Variants in AREL1 observed in about 807,000 individuals in gnomAD.
AREL1 encodes the protein apoptosis resistant E3 ubiquitin protein ligase 1.
AREL1 carries 62 observed loss-of-function variants against 99.0 expected under a neutral mutation model. That is an observed-to-expected ratio of 0.63 (90% CI 0.51 to 0.77). The LOEUF (loss-of-function observed/expected upper bound fraction) is 0.77, where lower values mean the gene tolerates loss of function less well. Among genes scored for constraint, AREL1 ranks in the 30% least tolerant of loss-of-function variants. The pLI is 0.00. For missense variants in AREL1, 879 were observed against 1,027.6 expected (o/e 0.86, Z 1.98); for synonymous variants, 380 against 376.5 (o/e 1.01, Z -0.11).
At position 74,663,805 on chromosome 14, in the gene AREL1, A is replaced by G; in HGVS notation, c.2387T>C (p.Leu796Pro). Residue 796 changes from leucine (L) to proline (P), a missense_variant, in exon 20 of 20, where the codon CTC (leucine) becomes CCC (proline). Coordinates refer to ENST00000356357, the MANE Select transcript of AREL1 (RefSeq NM_001039479.2). ...TAHTCFNQLC[L>P]PTYDSYEEVH... Reference sequence around the variant, plus strand: ...CTCTTCATAGGAGTCATATGTAGGGAGGCACAGCTGGTTAAAACTGGAAGG... The same window carrying G: ...CTCTTCATAGGAGTCATATGTAGGGGGGCACAGCTGGTTAAAACTGGAAGG... 6.2e-7 allele frequency: 1 copy of G among 1,614,148 alleles called. No individual in the cohort carries two copies. Among genetic ancestry groups the G allele is most frequent in the Non-Finnish European group, 8.5e-7 (1 of 1,180,012 alleles).
intron 1 of AREL1, among the ~76,000 whole-genome samples, chr14:74,699,824 T>G (rs2090050292): frequency 6.6e-6 from 1 of 152,296 alleles, no homozygotes; most frequent in South Asian, 2.1e-4. Context: ...AAAATGGAGA[T>G]GCACTGAGAA....
chr14:74,702,233 G>A (rs12893245), intron 1 of AREL1, among the ~76,000 whole-genome samples: 34,211 of 151,984 alleles, frequency 0.23, 3,993 homozygotes, highest in South Asian at 0.31. Context: ...CCCCAACATT[G>A]CCCTAGCAGA....
chr14:74,689,393 T>C (rs1170106031), intron 2 of AREL1, among the ~76,000 whole-genome samples: 2 of 151,908 alleles, frequency 1.3e-5, no homozygotes, highest in Non-Finnish European at 2.9e-5. Flanking sequence ...CCCTCTCCAT[T>C]CCTTTTGAAA....
intron 1 of AREL1, among the ~76,000 whole-genome samples, chr14:74,700,992 A>G (rs1161239882): frequency 6.6e-6 from 1 of 152,174 alleles, no homozygotes; most frequent in Non-Finnish European, 1.5e-5. Flanking sequence ...GGTCCAATGG[A>G]GTAGCTATAC....
intron 1 of AREL1, among the ~76,000 whole-genome samples, chr14:74,705,227 C>T (rs753108549): frequency 9.2e-5 from 14 of 152,066 alleles, no homozygotes; most frequent in Non-Finnish European, 1.3e-4. Flanking sequence ...TTAGTAGAGA[C>T]GGGGTTTCTC....
Position 74,675,930 on chromosome 14 carries a change from G to A in AREL1, c.849C>T (p.Ile283=). 7 of 1,595,880 alleles carry A rather than the reference G, an allele frequency of 4.4e-6. No individual in the cohort carries two copies. Among genetic ancestry groups the A allele is most frequent in the South Asian group, 1.1e-5 (1 of 88,770 alleles). The stretch of plus-strand genomic sequence containing the variant: ...CTGAAGTGGACACATTGCGTTCGAC[G>A]ATATTCTTCTCATCCTCTGAAGTAT... ...IIVLSEDEKN[I]VERNVSTSGV... is the part of the protein sequence containing the mutation. The change falls in exon 8 of 20, where the codon ATC becomes ATT. Residue 283 remains isoleucine (I), a synonymous_variant. Transcript: ENST00000356357.
At chr14:74,701,187 A>T (rs1191676787) in intron 1 of AREL1, among the ~76,000 whole-genome samples, 1 of 152,200 alleles carries the variant, frequency 6.6e-6, no homozygotes, top group Non-Finnish European at 1.5e-5. Context: ...GAAGAAGCCA[A>T]GGAAAAAGGC....
At chr14:74,676,870 C>A (rs527869086) in intron 5 of AREL1, 118 bp from the exon 6 acceptor site, 13 of 808,500 alleles carry the variant, frequency 1.6e-5, no homozygotes, top group Non-Finnish European at 2.2e-5. Context: ...AATCTCGGCT[C>A]ACTGCAAGCT....
chr14:74,677,079 G>A (rs145528466), intron 5 of AREL1, among the ~76,000 whole-genome samples: 101 of 151,960 alleles, frequency 6.6e-4, no homozygotes, highest in Non-Finnish European at 9.1e-4. Flanking sequence ...GATTACAGGC[G>A]TGAGCCACCA....
At position 74,663,565 on chromosome 14, in the gene AREL1, A is replaced by G; in HGVS notation, c.*155T>C. 1 of 783,424 alleles carries G rather than the reference A, an allele frequency of 1.3e-6. No individual in the cohort carries two copies. The highest frequency in any genetic ancestry group is 2.2e-6 in the Non-Finnish European group (1 of 461,068). The allele number at this position is 783,424 out of a possible 1,614,324, so 48.5% of individuals were successfully genotyped here. On this transcript the variant is annotated 3_prime_UTR_variant, in exon 20 of 20. Transcript: ENST00000356357. ...GGCAGGGAGCAGGTGAGGTAAAGAC[A>G]AGGCTTGTAGGTGACAAAATCCTCC...
chr14:74,694,954 A>G (rs113183297), intron 1 of AREL1, among the ~76,000 whole-genome samples: 32,446 of 144,858 alleles, frequency 0.22, 3,757 homozygotes, highest in South Asian at 0.32. Context: ...GCGCCACTGC[A>G]CTCCAGCCTG....
chr14:74,673,048 T>C (rs1336741718), intron 10 of AREL1, 29 bp downstream of exon 10: 1 of 1,614,134 alleles, frequency 6.2e-7, no homozygotes, highest in Admixed American at 1.7e-5. Flanking sequence ...GCTCACTACC[T>C]TCCCTATAGA....
In AREL1 at chr14:74,683,537, C is replaced by G; in HGVS notation, c.244-4G>C. On this transcript the variant is annotated splice_polypyrimidine_tract_variant and splice_region_variant and intron_variant, in intron 4 of 19. Coordinates refer to ENST00000356357, the MANE Select transcript of AREL1 (RefSeq NM_001039479.2). The stretch of plus-strand genomic sequence containing the variant: ...GCTGCCCGTTCTTATAGAATAACTG[C>G]CATGGGGAGAAGAAGGACACCTGTT... The G allele has an allele frequency of 6.2e-7, 1 of 1,613,172 alleles. No individual in the cohort carries two copies. The highest frequency in any genetic ancestry group is 8.5e-7 in the Non-Finnish European group (1 of 1,179,366).
chr14:74,690,554 A>G (rs1027650721), intron 2 of AREL1, among the ~76,000 whole-genome samples: 6 of 152,178 alleles, frequency 3.9e-5, no homozygotes, highest in East Asian at 1.9e-4. Context: ...ATTCCCATGC[A>G]TGGTATTTTT....
At chr14:74,682,162 G>GA (rs1459185003) in intron 5 of AREL1, among the ~76,000 whole-genome samples, 7 of 152,296 alleles carry the variant, frequency 4.6e-5, no homozygotes, top group Admixed American at 3.9e-4. Flanking sequence ...AGGATACATG[G>GA]AAAGAGAGAC....
At chr14:74,665,048 G>T in intron 17 of AREL1, 123 bp from the exon 18 acceptor site, 2 of 697,162 alleles carry the variant, frequency 2.9e-6, no homozygotes, top group Admixed American at 2.6e-5. Context: ...AAAGACAGAA[G>T]GTGAGGTCAT....
At chr14:74,670,229 A>C (rs1220590574) in intron 13 of AREL1, 103 bp from the exon 14 acceptor site, 3 of 1,238,556 alleles carry the variant, frequency 2.4e-6, no homozygotes, top group Non-Finnish European at 3.3e-6. Flanking sequence ...ACAAGATGTC[A>C]CTGTGAGGAT....
At position 74,672,822 on chromosome 14, in the gene AREL1, T is replaced by A. The variant is rs73301905; in HGVS notation, c.1422+9A>T. The A allele has an allele frequency of 6.2e-7, 1 of 1,614,062 alleles. No homozygotes were observed. The highest frequency in any genetic ancestry group is 1.1e-5 in the South Asian group (1 of 91,084). The stretch of plus-strand genomic sequence containing the variant: ...TGGTATCTGCTGACAGAGATGAAAT[T>A]TTACCTACCGATTCCAACAAGGCAT... On this transcript the variant is annotated intron_variant, in intron 11 of 19. Coordinates refer to ENST00000356357, the MANE Select transcript of AREL1 (RefSeq NM_001039479.2).
intron 1 of AREL1, among the ~76,000 whole-genome samples, chr14:74,695,536 A>G (rs962449191): frequency 6.6e-6 from 1 of 152,050 alleles, no homozygotes; most frequent in South Asian, 2.1e-4. Flanking sequence ...ACCTCTACTG[A>G]GCTTCAAAAC....
Sources: allele counts gnomAD v4.1 joint callset (sites outside exome capture counted in the v4.1 genomes callset), GRCh38; gene constraint gnomAD v4.1.1; transcripts MANE v1.5; gene names NCBI Gene and HGNC (gene_info 2026-07-23, HGNC 2026-07-21).